Variants in TXNRD1 observed in about 807,000 individuals in gnomAD.
TXNRD1 encodes the protein thioredoxin reductase 1.
In TXNRD1, 57 loss-of-function variants were observed where a neutral mutation model predicts 80.3. The observed-to-expected ratio is 0.71, with a 90% CI of 0.57 to 0.89. The LOEUF is 0.89. TXNRD1 is among the 40% of genes least tolerant of loss of function. The probability of loss-of-function intolerance (pLI) is 0.00; values close to 1 mark genes in which losing one functional copy is unlikely to be tolerated. For missense variants in TXNRD1, 730 were observed against 803.0 expected (o/e 0.91, Z 1.10); for synonymous variants, 291 against 285.2 (o/e 1.02, Z -0.20).
At chr12:104,286,713 G>A (rs1165513076) in intron 3 of TXNRD1, 1 of 999,346 alleles carries the variant, frequency 1.0e-6, no homozygotes, top group Non-Finnish European at 1.2e-6. Flanking sequence ...AGCTAGCAAA[G>A]TTCTGTAGCT....
At chr12:104,322,820 TTTA>T (rs2035586822) in intron 10 of TXNRD1, among the ~76,000 whole-genome samples, 1 of 151,824 alleles carries the variant, frequency 6.6e-6, no homozygotes, top group Admixed American at 6.6e-5. Context: ...AATTTATTTT[TTTA>T]TTGATAATTC....
intron 10 of TXNRD1, 79 bp downstream of exon 10, chr12:104,321,395 G>A: frequency 1.7e-6 from 2 of 1,147,272 alleles, no homozygotes; most frequent in Non-Finnish European, 2.6e-6. Flanking sequence ...GGTGGTAGAA[G>A]CATCCTTTCA....
chr12:104,327,064 A>C (rs1008928169), intron 12 of TXNRD1, among the ~76,000 whole-genome samples: 1 of 151,810 alleles, frequency 6.6e-6, no homozygotes, highest in African/African-American at 2.4e-5. Flanking sequence ...AGCCTCCCAA[A>C]GTGTTGGGAT....
chr12:104,222,677 A>G (rs1488880358), intron 1 of TXNRD1, among the ~76,000 whole-genome samples: 1 of 152,084 alleles, frequency 6.6e-6, no homozygotes, highest in Non-Finnish European at 1.5e-5. Flanking sequence ...ACATGGTGAA[A>G]CCTCATCTGT....
intron 3 of TXNRD1, among the ~76,000 whole-genome samples, chr12:104,260,402 G>C (rs563132414): frequency 6.6e-6 from 1 of 152,294 alleles, no homozygotes; most frequent in South Asian, 2.1e-4. Context: ...GGGAGGCAGA[G>C]GTTGCGGTGA....
chr12:104,240,963 G>A (rs1357071308), intron 1 of TXNRD1, among the ~76,000 whole-genome samples: 2 of 151,050 alleles, frequency 1.3e-5, no homozygotes, highest in African/African-American at 2.4e-5. Flanking sequence ...GGATGGTCTC[G>A]ATCTCCTGAC....
intron 13 of TXNRD1, among the ~76,000 whole-genome samples, chr12:104,329,941 C>T (rs1023651604): frequency 2.0e-5 from 3 of 152,174 alleles, no homozygotes; most frequent in Non-Finnish European, 2.9e-5. Context: ...TTTCCCTTCC[C>T]GCAGGGATCA....
intron 1 of TXNRD1, among the ~76,000 whole-genome samples, chr12:104,222,277 T>C (rs1266841810): frequency 6.6e-6 from 1 of 152,170 alleles, no homozygotes; most frequent in African/African-American, 2.4e-5. Flanking sequence ...AAACAGTTTT[T>C]CTTAGATAGT....
intron 15 of TXNRD1, among the ~76,000 whole-genome samples, chr12:104,337,442 G>A (rs748874209): frequency 1.3e-5 from 2 of 152,030 alleles, no homozygotes; most frequent in African/African-American, 4.8e-5. Context: ...CAACAGTAGA[G>A]TGCATCAGAT....
At chr12:104,217,316 T>G (rs1321276620) in intron 1 of TXNRD1, among the ~76,000 whole-genome samples, 1 of 80,568 alleles carries the variant, frequency 1.2e-5, no homozygotes, top group African/African-American at 5.8e-5. Context: ...CTTAACAATT[T>G]TGTTTTTTTT....
chr12:104,262,436 G>A (rs183435344), intron 3 of TXNRD1: 54 of 152,270 alleles, frequency 3.5e-4, no homozygotes, highest in African/African-American at 9.9e-4. Flanking sequence ...TGTAATCATG[G>A]AGCTGGAACT....
chr12:104,271,240 C>T (rs2033646655), intron 3 of TXNRD1, among the ~76,000 whole-genome samples: 1 of 142,460 alleles, frequency 7.0e-6, no homozygotes, highest in Admixed American at 7.5e-5. Context: ...GGCTAGAGTG[C>T]AGTGGTGCGA....
chr12:104,282,792 C>G (rs2033905114), intron 3 of TXNRD1: 1 of 152,272 alleles, frequency 6.6e-6, no homozygotes, highest in East Asian at 1.9e-4. Flanking sequence ...CTCCTGGGCT[C>G]AAGTGATCCT....
chr12:104,228,487 C>T (rs2032528647), intron 1 of TXNRD1, among the ~76,000 whole-genome samples: 1 of 148,882 alleles, frequency 6.7e-6, no homozygotes, highest in African/African-American at 2.5e-5. Context: ...CAAAATTAGT[C>T]GGGCGTGGTG....
chr12:104,265,789 C>T (rs1206983133), intron 3 of TXNRD1: 25 of 1,569,806 alleles, frequency 1.6e-5, no homozygotes, highest in Middle Eastern at 2.3e-4. Flanking sequence ...GGTCCTGCGC[C>T]GTCAGCACAA....
Position 104,311,364 on chromosome 12 carries a change from T to C in TXNRD1, c.489T>C (p.Tyr163=), listed in dbSNP as rs1301273130. The C allele has an allele frequency of 1.2e-6, 2 of 1,613,582 alleles. No individual in the cohort carries two copies. Among genetic ancestry groups the C allele is most frequent in the African/African-American group, 1.3e-5 (1 of 74,948 alleles). ...GPEDLPKSYD[Y]DLIIIGGGSG... ...AAGATCTTCCCAAGTCCTATGACTA[T>C]GACCTTATCATCATTGGAGGTGGCT... Residue 163 remains tyrosine, a synonymous_variant, in exon 5 of 17, where the codon TAT becomes TAC. Transcript: ENST00000525566.
chr12:104,321,690 C>T (rs1014925048), intron 10 of TXNRD1, among the ~76,000 whole-genome samples: 1 of 152,196 alleles, frequency 6.6e-6, no homozygotes. Flanking sequence ...CCCTGGCTCC[C>T]CACAGGACAT....
At chr12:104,259,780 G>A (rs1049262855) in intron 3 of TXNRD1, among the ~76,000 whole-genome samples, 2 of 151,884 alleles carry the variant, frequency 1.3e-5, no homozygotes, top group African/African-American at 4.8e-5. Flanking sequence ...GAGCCACCAC[G>A]CCCGGCCATA....
At position 104,315,783 on chromosome 12, in the gene TXNRD1, G is replaced by T; in HGVS notation, c.617G>T (p.Gly206Val). The change falls in exon 7 of 17, where the codon GGA becomes GTA. Residue 206 changes from glycine to valine, a missense_variant. Transcript: ENST00000525566. ...TTTCTCAATGTTGTTGTAGGTCTCG[G>T]AGGAACATGTGTGAATGTGGGTTGC... Reference protein sequence around the residue: ...PTPLGTRWGLGGTCVNVGCIP... With the variant: ...PTPLGTRWGLVGTCVNVGCIP... The T allele has an allele frequency of 6.2e-7, 1 of 1,611,526 alleles. No individual in the cohort carries two copies. Among genetic ancestry groups the T allele is most frequent in the South Asian group, 1.1e-5 (1 of 90,896 alleles).
Sources: gnomAD v4.1 joint callset for allele counts (sites outside exome capture counted in the v4.1 genomes callset) on GRCh38, gnomAD v4.1.1 for gene constraint, MANE v1.5 for transcripts, NCBI Gene and HGNC (gene_info 2026-07-23, HGNC 2026-07-21) for gene names.